The following SIPA1L3 variants were observed in gnomAD, a reference collection of about 807,000 sequenced individuals.
The protein encoded by SIPA1L3 is signal-induced proliferation-associated 1-like protein 3.
A neutral mutation model predicts 150.1 loss-of-function variants in SIPA1L3; 59 were observed. The ratio of observed to expected loss-of-function variants is 0.39; its 90% CI spans 0.32 to 0.49. The LOEUF (loss-of-function observed/expected upper bound fraction) is 0.49, where lower values mean the gene tolerates loss of function less well. Ranked by LOEUF, SIPA1L3 falls within the 20% of genes least tolerant of loss-of-function variation. The pLI, the probability that SIPA1L3 is intolerant of heterozygous loss-of-function variation, is 0.86. For missense variants in SIPA1L3, 2,211 were observed against 2,489.5 expected (o/e 0.89, Z 2.38); for synonymous variants, 1,070 against 1,077.6 (o/e 0.99, Z 0.14).
chr19:38,195,211 C>T (rs1288923443), intron 18 of SIPA1L3, among the ~76,000 whole-genome samples: 5 of 152,168 alleles, frequency 3.3e-5, no homozygotes, highest in African/African-American at 7.2e-5. Flanking sequence ...GCATCCTGCA[C>T]GGCTGTTCTC....
intron 1 of SIPA1L3, among the ~76,000 whole-genome samples, chr19:38,018,354 G>A (rs1968288969): frequency 6.6e-6 from 1 of 151,844 alleles, no homozygotes. Context: ...AGTAGAGACG[G>A]GGTTTCACCA....
At chr19:37,993,754 ATGT>A (rs1967569365) in intron 1 of SIPA1L3, among the ~76,000 whole-genome samples, 1 of 152,130 alleles carries the variant, frequency 6.6e-6, no homozygotes, top group South Asian at 2.1e-4. Flanking sequence ...ACCAGGTGTG[ATGT>A]TGTCTTGCCA....
intron 1 of SIPA1L3, among the ~76,000 whole-genome samples, chr19:37,912,572 T>C (rs748920473): frequency 1.3e-5 from 2 of 152,150 alleles, no homozygotes; most frequent in African/African-American, 2.4e-5. Flanking sequence ...CATAGCTCAC[T>C]GTAACCTTGA....
At position 38,101,141 on chromosome 19, in the gene SIPA1L3, C is replaced by T. The variant is rs199541776; in HGVS notation, c.1944C>T (p.Pro648=). 5.7e-5 allele frequency: 92 copies of T among 1,611,108 alleles called. No individual in the cohort carries two copies. The highest frequency in any genetic ancestry group is 2.2e-4 in the East Asian group (10 of 44,712). ...TGTACAACAATGAGGAGGCCGGCCC[C>T]GCCTTTGAGGAGTTCCTCTCCCTCA... The part of the protein sequence containing the change: ...EEMYNNEEAG[P]AFEEFLSLIG... The change falls in exon 6 of 22, where the codon CCC becomes CCT. Residue 648 remains proline (P), a synonymous_variant. Coordinates refer to ENST00000222345, the MANE Select transcript of SIPA1L3 (RefSeq NM_015073.3).
intron 1 of SIPA1L3, among the ~76,000 whole-genome samples, chr19:37,959,405 A>G (rs550964636): frequency 6.6e-6 from 1 of 152,336 alleles, no homozygotes; most frequent in South Asian, 2.1e-4. Flanking sequence ...ACATGAATGA[A>G]AGAAACCAGA....
chr19:37,935,484 C>A (rs145910120), intron 1 of SIPA1L3, among the ~76,000 whole-genome samples: 235 of 152,302 alleles, frequency 1.5e-3, no homozygotes, highest in African/African-American at 5.5e-3. Context: ...CAAGCCACCC[C>A]TAAACTTAAG....
At chr19:37,916,588 G>T (rs1431813968) in intron 1 of SIPA1L3, among the ~76,000 whole-genome samples, 1 of 151,730 alleles carries the variant, frequency 6.6e-6, no homozygotes, top group Non-Finnish European at 1.5e-5. Flanking sequence ...GTGTGTCAGG[G>T]TCCATGCTTG....
chr19:38,180,760 G>T (rs1334542416), intron 15 of SIPA1L3, among the ~76,000 whole-genome samples: 1 of 151,816 alleles, frequency 6.6e-6, no homozygotes, highest in Non-Finnish European at 1.5e-5. Context: ...GGTCAGGCTG[G>T]TCTCGAACTT....
At chr19:38,054,737 G>T (rs1969279352) in intron 2 of SIPA1L3, among the ~76,000 whole-genome samples, 1 of 152,004 alleles carries the variant, frequency 6.6e-6, no homozygotes, top group African/African-American at 2.4e-5. Flanking sequence ...AGAACCTTTT[G>T]TTTGGCACTA....
At chr19:38,110,094 G>T in intron 7 of SIPA1L3, 133 bp from the exon 8 acceptor site, 3 of 842,626 alleles carry the variant, frequency 3.6e-6, no homozygotes, top group South Asian at 1.6e-5. Flanking sequence ...ACCTGACTCG[G>T]GCATTCCTTG....
intron 1 of SIPA1L3, among the ~76,000 whole-genome samples, chr19:38,009,135 A>G (rs1424411533): frequency 6.6e-6 from 1 of 151,936 alleles, no homozygotes; most frequent in African/African-American, 2.4e-5. Context: ...CCCGGGTTCA[A>G]GTGATTCTCC....
chr19:38,120,871 G>C (rs113644371), intron 9 of SIPA1L3, among the ~76,000 whole-genome samples: 1 of 152,332 alleles, frequency 6.6e-6, no homozygotes, highest in African/African-American at 2.4e-5. Context: ...TTGGCAGAAC[G>C]CCGTGCCATG....
chr19:38,076,010 G>A (rs1159176392), intron 2 of SIPA1L3, among the ~76,000 whole-genome samples: 2 of 151,734 alleles, frequency 1.3e-5, no homozygotes, highest in East Asian at 1.9e-4. Flanking sequence ...CCGTGGTGGC[G>A]GGCGCGTGTA....
chr19:37,939,451 T>G (rs2046632819), intron 1 of SIPA1L3, among the ~76,000 whole-genome samples: 1 of 151,460 alleles, frequency 6.6e-6, no homozygotes, highest in Non-Finnish European at 1.5e-5. Context: ...TAATTTAGTT[T>G]CAACAAAGTG....
intron 2 of SIPA1L3, among the ~76,000 whole-genome samples, chr19:38,070,053 C>CAGATGGAG (rs1969681886): frequency 6.6e-6 from 1 of 152,020 alleles, no homozygotes; most frequent in Non-Finnish European, 1.5e-5. Context: ...CGAGCATCCC[C>CAGATGGAG]ATCTGGCCTT....
chr19:38,032,255 C>A (rs1221088309), intron 2 of SIPA1L3, among the ~76,000 whole-genome samples: 1 of 152,166 alleles, frequency 6.6e-6, no homozygotes, highest in Non-Finnish European at 1.5e-5. Flanking sequence ...CTAGCACATT[C>A]CTTTTTCATG....
At chr19:38,001,778 A>G (rs1242813271) in intron 1 of SIPA1L3, among the ~76,000 whole-genome samples, 1 of 152,248 alleles carries the variant, frequency 6.6e-6, no homozygotes, top group Admixed American at 6.5e-5. Context: ...TAAAATGTAC[A>G]TAACACAAAA....
intron 1 of SIPA1L3, among the ~76,000 whole-genome samples, chr19:37,990,925 A>G (rs1209336121): frequency 6.6e-6 from 1 of 152,168 alleles, no homozygotes; most frequent in Admixed American, 6.5e-5. Flanking sequence ...TAACTTGTCC[A>G]CTGCCTGTTA....
chr19:38,197,904 A>G (rs1406753356), intron 18 of SIPA1L3, among the ~76,000 whole-genome samples: 1 of 74,096 alleles, frequency 1.3e-5, no homozygotes, highest in Non-Finnish European at 2.5e-5. Flanking sequence ...CGTCCCCCAC[A>G]TGCACCCAGA....
Sources: allele counts gnomAD v4.1 joint callset (sites outside exome capture counted in the v4.1 genomes callset), GRCh38; gene constraint gnomAD v4.1.1; transcripts MANE v1.5; gene names NCBI Gene and HGNC (gene_info 2026-07-23, HGNC 2026-07-21).